Variants in RPAP2 observed in about 807,000 individuals in gnomAD.
RPAP2 encodes the protein putative RNA polymerase II subunit B1 CTD phosphatase RPAP2.
RPAP2 carries 52 observed loss-of-function variants against 73.1 expected under a neutral mutation model. The ratio of observed to expected loss-of-function variants is 0.71; its 90% CI spans 0.57 to 0.90. The LOEUF (loss-of-function observed/expected upper bound fraction) is 0.90, where lower values mean the gene tolerates loss of function less well. RPAP2 is among the 40% of genes least tolerant of loss of function. RPAP2 has a pLI of 0.00. For synonymous variants in RPAP2, 225 were observed against 242.1 expected (o/e 0.93, Z 0.65); for missense variants, 598 against 701.8 (o/e 0.85, Z 1.67).
At chr1:92,306,479 A>G (rs1217015207) in intron 5 of RPAP2, among the ~76,000 whole-genome samples, 2 of 152,254 alleles carry the variant, frequency 1.3e-5, no homozygotes, top group African/African-American at 4.8e-5. Flanking sequence ...TATAAATGGT[A>G]AAGTGTAATA....
In RPAP2 at chr1:92,393,718, A is replaced by G. The variant is rs1018565783; in HGVS notation, c.*6707A>G. ...AGACATTTATGCAGCCAACAGACATATGAAAAAATGCTCATCATCACTAGT... is the reference window on the plus strand; with the variant it reads ...AGACATTTATGCAGCCAACAGACATGTGAAAAAATGCTCATCATCACTAGT... On this transcript the variant is annotated 3_prime_UTR_variant, in exon 13 of 13. Coordinates refer to ENST00000610020, the MANE Select transcript of RPAP2 (RefSeq NM_024813.3). 2 of 152,280 alleles carry G rather than the reference A, an allele frequency of 1.3e-5. No individual in the cohort carries two copies. Among genetic ancestry groups the G allele is most frequent in the African/African-American group, 4.8e-5 (2 of 41,470 alleles). The allele number at this position is 152,280 out of a possible 1,614,324, so 9.4% of individuals were successfully genotyped here. A position where few individuals can be genotyped will look rare whatever the true frequency, so the allele number is the denominator to read the frequency against.
chr1:92,318,973 G>C (rs977249541), intron 6 of RPAP2, among the ~76,000 whole-genome samples: 3 of 152,120 alleles, frequency 2.0e-5, no homozygotes, highest in African/African-American at 7.2e-5. Flanking sequence ...AGTAGGGGCT[G>C]TATGATCAAA....
Position 92,390,481 on chromosome 1 carries a change from A to G in RPAP2, c.*3470A>G, listed in dbSNP as rs987714381. 6 of 152,244 alleles carry G rather than the reference A, an allele frequency of 3.9e-5. No homozygotes were observed. The highest frequency in any genetic ancestry group is 1.4e-4 in the African/African-American group (6 of 41,468). 9.4% of individuals were successfully genotyped at this position (152,244 alleles called of 1,614,324 possible). ...ACCATCAACACTATGAAGAAACTGC[A>G]TCAATTAATGGATGAAATAACCAGC... On this transcript the variant is annotated 3_prime_UTR_variant, in exon 13 of 13. Coordinates refer to ENST00000610020, the MANE Select transcript of RPAP2 (RefSeq NM_024813.3).
At position 92,363,539 on chromosome 1, in the gene RPAP2, A is replaced by AAGAGT. The variant is rs1474941196; in HGVS notation, c.1689-17183_1689-17179dup. ...GAAGTAGGGTATGAGGTTCTCTTCT[A>AAGAGT]AGAGTACAGAAGTTACGGTTGTATA... is the stretch of plus-strand genomic sequence containing the variant. On this transcript the variant is annotated intron_variant, in intron 11 of 12. Transcript: ENST00000610020. Among the ~76,000 whole-genome samples, 112 of 152,318 alleles carry AAGAGT rather than the reference A, an allele frequency of 7.4e-4. 1 individual carries two copies. The highest frequency in any genetic ancestry group is 7.2e-3 in the Admixed American group (110 of 15,302).
chr1:92,301,518 T>G lies in RPAP2; in HGVS notation c.162T>G (p.Phe54Leu), dbSNP rs1650857149. Residue 54 changes from phenylalanine (F) to leucine (L), a missense_variant, in exon 3 of 13, where the codon TTT becomes TTG. Physicochemically the swap from Phe to Leu is conservative, Grantham distance 22. Coordinates refer to ENST00000610020, the MANE Select transcript of RPAP2 (RefSeq NM_024813.3). ...LEAAVRKKIE[F>L]ERKALHIVEQ... ...CAGCTGTGAGAAAGAAGATTGAATT[T>G]GAGAGAAAAGCTCTACATATTGTTG... 6.3e-7 allele frequency: 1 copy of G among 1,596,124 alleles called. No homozygotes were observed. Among genetic ancestry groups the G allele is most frequent in the Non-Finnish European group, 8.5e-7 (1 of 1,174,408 alleles).
At chr1:92,374,882 T>C (rs1655320139) in intron 11 of RPAP2, among the ~76,000 whole-genome samples, 1 of 152,106 alleles carries the variant, frequency 6.6e-6, no homozygotes, top group Admixed American at 6.6e-5. Context: ...GCTTGGGTGA[T>C]GGGTGCACCA....
chr1:92,377,286 C>T (rs1411190084), intron 11 of RPAP2, among the ~76,000 whole-genome samples: 1 of 151,756 alleles, frequency 6.6e-6, no homozygotes, highest in Non-Finnish European at 1.5e-5. Flanking sequence ...TTTGGGAGGC[C>T]GAGGCGGGTG....
intron 11 of RPAP2, among the ~76,000 whole-genome samples, chr1:92,373,382 T>C (rs998625649): frequency 2.0e-5 from 3 of 152,064 alleles, no homozygotes; most frequent in Non-Finnish European, 4.4e-5. Flanking sequence ...CCAGGGAAAA[T>C]ACTCTCTCCA....
At chr1:92,303,931 C>T (rs961977247) in intron 3 of RPAP2, 46 bp from the exon 4 acceptor site, 1 of 1,356,958 alleles carries the variant, frequency 7.4e-7, no homozygotes, top group African/African-American at 1.5e-5. Context: ...GATAAATGAA[C>T]TTTTCTATTA....
chr1:92,347,514 A>G (rs1421621499), intron 11 of RPAP2, among the ~76,000 whole-genome samples: 29 of 152,210 alleles, frequency 1.9e-4, no homozygotes, highest in Admixed American at 6.5e-5. Flanking sequence ...TACTGAAAGT[A>G]TTATCATCAT....
chr1:92,370,621 A>G (rs564943244), intron 11 of RPAP2, among the ~76,000 whole-genome samples: 2 of 152,086 alleles, frequency 1.3e-5, no homozygotes, highest in South Asian at 4.2e-4. Flanking sequence ...AAAATCATGT[A>G]GGTAGTTTAT....
intron 11 of RPAP2, among the ~76,000 whole-genome samples, chr1:92,363,169 C>G (rs12059645): frequency 2.6e-5 from 4 of 152,102 alleles, no homozygotes; most frequent in Admixed American, 6.6e-5. Context: ...AGTCAGTAAA[C>G]GTTGGCTTCT....
intron 11 of RPAP2, among the ~76,000 whole-genome samples, chr1:92,355,589 C>G (rs1654423228): frequency 6.6e-6 from 1 of 152,166 alleles, no homozygotes. Context: ...GTCACTCTTT[C>G]TATGGAAAGA....
At chr1:92,304,191 C>A in intron 4 of RPAP2, 93 bp from the exon 5 acceptor site, 1 of 1,110,412 alleles carries the variant, frequency 9.0e-7, no homozygotes, top group Non-Finnish European at 1.4e-6. Context: ...ATGGATTGGC[C>A]AATGATATGA....
intron 11 of RPAP2, among the ~76,000 whole-genome samples, chr1:92,368,869 T>C (rs1303285938): frequency 6.6e-6 from 1 of 152,246 alleles, no homozygotes; most frequent in African/African-American, 2.4e-5. Context: ...TTTTTGCTTT[T>C]GTTGTTACGC....
At chr1:92,301,451 A>G (rs781181418) in intron 2 of RPAP2, 25 bp from the exon 3 acceptor site, 2 of 1,253,898 alleles carry the variant, frequency 1.6e-6, no homozygotes, top group Admixed American at 3.9e-5. Context: ...TTTTAAGTAG[A>G]TTAAGTTTCT....
At chr1:92,309,440 C>CAAAA (rs35648463) in intron 6 of RPAP2, among the ~76,000 whole-genome samples, 1 of 145,722 alleles carries the variant, frequency 6.9e-6, no homozygotes, top group Non-Finnish European at 1.5e-5. Flanking sequence ...GACTCCATCT[C>CAAAA]AAAAAAAAAA....
At chr1:92,342,896 G>A (rs1487133392) in intron 10 of RPAP2, among the ~76,000 whole-genome samples, 1 of 152,082 alleles carries the variant, frequency 6.6e-6, no homozygotes, top group Non-Finnish European at 1.5e-5. Context: ...CCCAATTTTG[G>A]CTCTACCAAA....
At chr1:92,316,227 C>T (rs1037996007) in intron 6 of RPAP2, among the ~76,000 whole-genome samples, 40 of 152,246 alleles carry the variant, frequency 2.6e-4, no homozygotes, top group African/African-American at 8.4e-4. Context: ...GGATTTCACA[C>T]GTTGCTTCTT....
Sources: allele counts gnomAD v4.1 joint callset (sites outside exome capture counted in the v4.1 genomes callset), GRCh38; gene constraint gnomAD v4.1.1; transcripts MANE v1.5; gene names NCBI Gene and HGNC (gene_info 2026-07-23, HGNC 2026-07-21).